FMN2: variants seen among roughly 807,000 people sequenced by gnomAD.
FMN2 encodes the protein formin-2.
In FMN2, 51 loss-of-function variants were observed where a neutral mutation model predicts 142.3. The observed-to-expected ratio is 0.36, with a 90% CI of 0.29 to 0.45. The LOEUF (loss-of-function observed/expected upper bound fraction) is 0.45, where lower values mean the gene tolerates loss of function less well. Among genes scored for constraint, FMN2 ranks in the 20% least tolerant of loss-of-function variants. The pLI, the probability that FMN2 is intolerant of heterozygous loss-of-function variation, is 1.00. For synonymous variants in FMN2, 882 were observed against 869.8 expected (o/e 1.01, Z -0.25); for missense variants, 1,936 against 2,122.8 (o/e 0.91, Z 1.73).
intron 14 of FMN2, among the ~76,000 whole-genome samples, chr1:240,367,571 A>G (rs1050766030): frequency 1.1e-4 from 17 of 152,136 alleles, no homozygotes; most frequent in African/African-American, 3.6e-4. Context: ...GATCGAGACC[A>G]TCCTGGCTAA....
At chr1:240,382,792 G>C (rs1673275196) in intron 14 of FMN2, among the ~76,000 whole-genome samples, 1 of 151,708 alleles carries the variant, frequency 6.6e-6, no homozygotes, top group Middle Eastern at 3.2e-3. Context: ...CCAAAACTGA[G>C]CCTGAATAAC....
chr1:240,371,104 G>A (rs1486796208), intron 14 of FMN2, among the ~76,000 whole-genome samples: 2 of 151,610 alleles, frequency 1.3e-5, no homozygotes, highest in Non-Finnish European at 2.9e-5. Context: ...ATGCCCAGCT[G>A]ATTTTTTTTT....
intron 1 of FMN2, among the ~76,000 whole-genome samples, chr1:240,104,760 A>G (rs1661540070): frequency 6.6e-6 from 1 of 152,098 alleles, no homozygotes; most frequent in Non-Finnish European, 1.5e-5. Context: ...GTTATATACT[A>G]TTCCTAAGAA....
chr1:240,390,672 C>A (rs1033626132), intron 14 of FMN2, among the ~76,000 whole-genome samples: 5 of 152,152 alleles, frequency 3.3e-5, no homozygotes, highest in Non-Finnish European at 7.3e-5. Context: ...TATTAAGTTT[C>A]TACTGATTAT....
chr1:240,213,259 T>C (rs1279833191), intron 6 of FMN2, among the ~76,000 whole-genome samples: 1 of 152,168 alleles, frequency 6.6e-6, no homozygotes, highest in Non-Finnish European at 1.5e-5. Context: ...TTTGTGTTTA[T>C]TGATAGTGAC....
intron 2 of FMN2, chr1:240,170,725 A>C: frequency 6.5e-7 from 1 of 1,531,220 alleles, no homozygotes; most frequent in Non-Finnish European, 9.0e-7. Context: ...TGCTGTGAAC[A>C]CTGTCAAGGT....
chr1:240,296,114 A>G (rs1459886312), intron 8 of FMN2, among the ~76,000 whole-genome samples: 2 of 151,652 alleles, frequency 1.3e-5, no homozygotes, highest in Non-Finnish European at 2.9e-5. Context: ...GCTGGGGTTT[A>G]GTTCATTCTG....
At chr1:240,235,405 A>C (rs1023165151) in intron 6 of FMN2, among the ~76,000 whole-genome samples, 1 of 147,040 alleles carries the variant, frequency 6.8e-6, no homozygotes, top group African/African-American at 2.6e-5. Context: ...AAATAATTTA[A>C]TTAATTTTTT....
At chr1:240,271,612 A>G (rs1669020046) in intron 7 of FMN2, among the ~76,000 whole-genome samples, 1 of 152,026 alleles carries the variant, frequency 6.6e-6, no homozygotes, top group African/African-American at 2.4e-5. Context: ...AATGGTTTTC[A>G]TTGAAATGTA....
At chr1:240,174,884 GTGT>G (rs1364889099) in intron 2 of FMN2, among the ~76,000 whole-genome samples, 1 of 152,138 alleles carries the variant, frequency 6.6e-6, no homozygotes, top group Non-Finnish European at 1.5e-5. Context: ...GTCCAATTCA[GTGT>G]TGTTATGTAT....
chr1:240,321,637 T>G (rs1225211493), intron 8 of FMN2, among the ~76,000 whole-genome samples: 2 of 152,208 alleles, frequency 1.3e-5, no homozygotes, highest in Non-Finnish European at 2.9e-5. Context: ...AAAAAGCTAT[T>G]AAAATATTCC....
At chr1:240,403,199 G>A (rs1022469124) in intron 15 of FMN2, among the ~76,000 whole-genome samples, 2 of 152,216 alleles carry the variant, frequency 1.3e-5, no homozygotes, top group African/African-American at 4.8e-5. Context: ...GACAAACAAA[G>A]TAATGTGTAT....
At chr1:240,292,509 T>C (rs1669829296) in intron 7 of FMN2, among the ~76,000 whole-genome samples, 1 of 152,178 alleles carries the variant, frequency 6.6e-6, no homozygotes, top group Non-Finnish European at 1.5e-5. Context: ...ACACTTCTAG[T>C]ATACTAGTGT....
chr1:240,322,638 C>A lies in FMN2; in HGVS notation c.4216-6438C>A, dbSNP rs74151622. Reference sequence around the variant, plus strand: ...AAAAGTAGTTGGAAGAGGGTCTTTCCTCAAGAAACAGTTCCCCCATGAAGT... The same window carrying A: ...AAAAGTAGTTGGAAGAGGGTCTTTCATCAAGAAACAGTTCCCCCATGAAGT... On this transcript the variant is annotated intron_variant, in intron 8 of 17. Transcript: ENST00000319653. Among the ~76,000 whole-genome samples, 802 of 152,204 alleles carry A rather than the reference C, an allele frequency of 5.3e-3. 8 individuals are homozygous for A. Among genetic ancestry groups the A allele is most frequent in the African/African-American group, 0.018 (752 of 41,538 alleles).
At chr1:240,434,237 C>T (rs1321617996) in intron 15 of FMN2, among the ~76,000 whole-genome samples, 1 of 152,130 alleles carries the variant, frequency 6.6e-6, no homozygotes, top group Non-Finnish European at 1.5e-5. Flanking sequence ...ACAGAAAAGC[C>T]TGTGTAGTAA....
intron 16 of FMN2, among the ~76,000 whole-genome samples, chr1:240,459,728 A>T (rs938048263): frequency 8.9e-5 from 9 of 101,222 alleles, no homozygotes; most frequent in African/African-American, 2.4e-4. Context: ...AAAAAAAAAA[A>T]AAAAAAAAAA....
intron 2 of FMN2, chr1:240,154,608 T>A (rs1663935914): frequency 1.3e-5 from 2 of 152,144 alleles, no homozygotes; most frequent in South Asian, 4.1e-4. Flanking sequence ...CAATTCCATC[T>A]CAGAATCATT....
At chr1:240,294,727 T>C in intron 7 of FMN2, 95 bp from the exon 8 acceptor site, 1 of 1,110,358 alleles carries the variant, frequency 9.0e-7, no homozygotes. Context: ...CCCTGCTCCC[T>C]CTGGCTGCTG....
At position 240,328,147 on chromosome 1, in the gene FMN2, C is replaced by CAAAAAAAA. The variant is rs780595882; in HGVS notation, c.4216-911_4216-904dup. Among the ~76,000 whole-genome samples the CAAAAAAAA allele has an allele frequency of 1.3e-3, 69 of 51,412 alleles. 2 individuals carry two copies. The highest frequency in any genetic ancestry group is 3.2e-3 in the African/African-American group (43 of 13,316). The allele number at this position is 51,412 out of a possible 152,430, so 33.7% of individuals were successfully genotyped here. On this transcript the variant is annotated intron_variant, in intron 8 of 17. Coordinates refer to ENST00000319653, the MANE Select transcript of FMN2 (RefSeq NM_020066.5). ...TGGGTGACGGAGCAAGACCCCATCTCAAAAAAAAAAAAAAAAAAAAAAAAA... is the reference window on the plus strand; with the variant it reads ...TGGGTGACGGAGCAAGACCCCATCTCAAAAAAAAAAAAAAAAAAAAAAAAAAAAAAAAA...
Sources: allele counts gnomAD v4.1 joint callset (sites outside exome capture counted in the v4.1 genomes callset), GRCh38; gene constraint gnomAD v4.1.1; transcripts MANE v1.5; gene names NCBI Gene and HGNC (gene_info 2026-07-23, HGNC 2026-07-21).